Variants in ERC2 observed in about 807,000 individuals in gnomAD.
ERC2 encodes the protein ELKS/RAB6-interacting/CAST family member 2.
ERC2 carries 42 observed loss-of-function variants against 114.8 expected under a neutral mutation model. The observed-to-expected ratio is 0.37, with a 90% confidence interval of 0.29 to 0.47. ERC2 has a LOEUF of 0.47. ERC2 is among the 20% of genes least tolerant of loss of function. The pLI, the probability that ERC2 is intolerant of heterozygous loss-of-function variation, is 0.99. For missense variants in ERC2, 939 were observed against 1,150.7 expected, an observed-to-expected ratio of 0.82 and a Z score of 2.66; for synonymous variants, 454 against 425.5, an observed-to-expected ratio of 1.07 and a Z score of -0.82.
intron 3 of ERC2, among the ~76,000 whole-genome samples, chr3:56,281,436 C>CAAAAAA (rs71099629): frequency 1.9e-4 from 9 of 47,520 alleles, no homozygotes; most frequent in Middle Eastern, 0.025. Context: ...GACTCCGTCT[C>CAAAAAA]AAAAAAAAAA....
intron 13 of ERC2, among the ~76,000 whole-genome samples, chr3:55,938,541 G>T (rs1042242184): frequency 6.6e-6 from 1 of 152,204 alleles, no homozygotes; most frequent in Non-Finnish European, 1.5e-5. Context: ...ATTAAGTCAG[G>T]TTAAGAGAGG....
chr3:56,151,741 C>T (rs896421345), intron 4 of ERC2, among the ~76,000 whole-genome samples: 1 of 152,102 alleles, frequency 6.6e-6, no homozygotes, highest in South Asian at 2.1e-4. Context: ...TATGGAAGTC[C>T]ATATCAAGTC....
intron 3 of ERC2, among the ~76,000 whole-genome samples, chr3:56,245,562 GATT>G (rs1395298056): frequency 8.6e-5 from 13 of 151,460 alleles, no homozygotes; most frequent in African/African-American, 2.9e-4. Context: ...TTAGTCATAT[GATT>G]ATTATTTTTT....
chr3:55,772,101 A>C (rs2068250012), intron 14 of ERC2, among the ~76,000 whole-genome samples: 1 of 152,224 alleles, frequency 6.6e-6, no homozygotes. Flanking sequence ...CTAGGCATAC[A>C]GTAAGGCATT....
intron 14 of ERC2, among the ~76,000 whole-genome samples, chr3:55,774,300 A>C (rs1265609673): frequency 3.9e-5 from 6 of 152,216 alleles, no homozygotes; most frequent in Admixed American, 3.3e-4. Context: ...CATCGGTTCA[A>C]CTAACAAGCT....
At chr3:55,939,915 G>T (rs563132924) in intron 13 of ERC2, among the ~76,000 whole-genome samples, 6 of 152,214 alleles carry the variant, frequency 3.9e-5, no homozygotes, top group African/African-American at 1.4e-4. Flanking sequence ...ATTGGTGGAT[G>T]TATTATTATA....
chr3:56,210,159 G>T (rs2048972030), intron 3 of ERC2, among the ~76,000 whole-genome samples: 1 of 152,100 alleles, frequency 6.6e-6, no homozygotes, highest in South Asian at 2.1e-4. Context: ...ACTACCTGGG[G>T]GCTGATAAAT....
chr3:56,276,718 G>C (rs1000741735), intron 3 of ERC2, among the ~76,000 whole-genome samples: 2 of 152,140 alleles, frequency 1.3e-5, no homozygotes, highest in Non-Finnish European at 2.9e-5. Flanking sequence ...AAAGAACAAC[G>C]CATGTGCTAG....
At chr3:55,586,697 C>A (rs1052332851) in intron 17 of ERC2, among the ~76,000 whole-genome samples, 1 of 152,156 alleles carries the variant, frequency 6.6e-6, no homozygotes, top group African/African-American at 2.4e-5. Context: ...AAAGAAAATG[C>A]AAATGCCTTG....
intron 17 of ERC2, 26 bp downstream of exon 17, chr3:55,683,768 A>G (rs921656153): frequency 1.9e-6 from 3 of 1,581,418 alleles, no homozygotes; most frequent in Admixed American, 3.5e-5. Flanking sequence ...TTTTTAATAA[A>G]AATGATATAA....
intron 7 of ERC2, among the ~76,000 whole-genome samples, chr3:56,073,774 T>C (rs2076850130): frequency 6.6e-6 from 1 of 152,244 alleles, no homozygotes; most frequent in South Asian, 2.1e-4. Context: ...GAGGTCTCAG[T>C]CCTTTAAGCC....
chr3:56,313,248 G>C (rs1426220652), intron 2 of ERC2, among the ~76,000 whole-genome samples: 1 of 151,120 alleles, frequency 6.6e-6, no homozygotes, highest in Non-Finnish European at 1.5e-5. Flanking sequence ...TTAAATTAGA[G>C]TACTTAAAGT....
intron 13 of ERC2, among the ~76,000 whole-genome samples, chr3:55,928,960 T>C (rs2149398359): frequency 6.6e-6 from 1 of 152,332 alleles, no homozygotes. Flanking sequence ...TCTGTTCTAT[T>C]GGTCCATGTA....
At chr3:55,583,548 C>CCTTCCTTT (rs2057425006) in intron 17 of ERC2, among the ~76,000 whole-genome samples, 2 of 39,286 alleles carry the variant, frequency 5.1e-5, no homozygotes, top group Non-Finnish European at 1.5e-4. Context: ...TTCCTTTCTT[C>CCTTCCTTT]CTTCCTTCCT....
chr3:56,316,863 A>G (rs969225031), intron 2 of ERC2, among the ~76,000 whole-genome samples: 4 of 152,224 alleles, frequency 2.6e-5, no homozygotes, highest in African/African-American at 7.2e-5. Context: ...ATTATGCTAC[A>G]AAGAATTCTT....
chr3:55,887,787 T>A (rs555317846), intron 14 of ERC2, among the ~76,000 whole-genome samples: 1 of 152,220 alleles, frequency 6.6e-6, no homozygotes, highest in Non-Finnish European at 1.5e-5. Context: ...AAGGAAGCAA[T>A]TGGTTCCAAT....
chr3:56,266,704 T>G (rs1323800735), intron 3 of ERC2, among the ~76,000 whole-genome samples: 1 of 152,124 alleles, frequency 6.6e-6, no homozygotes, highest in African/African-American at 2.4e-5. Context: ...GAGGCCAACC[T>G]AGGCAACACA....
chr3:55,759,474 A>AAAC (rs1559609850), intron 14 of ERC2, among the ~76,000 whole-genome samples: 12 of 100,512 alleles, frequency 1.2e-4, no homozygotes, highest in African/African-American at 4.6e-4. Flanking sequence ...AAAAAAAAAA[A>AAAC]AAAAAAAAAA....
In ERC2 at chr3:56,042,924, G is replaced by A. The variant is rs1350114315; in HGVS notation, c.1642-23893C>T. ...AAACATCCCCAAATTGTCCTAAAAC[G>A]GAACATCCTGAAAAAGTCCAATGAT... On this transcript the variant is annotated intron_variant, in intron 7 of 17. Coordinates refer to ENST00000288221, the MANE Select transcript of ERC2 (RefSeq NM_015576.3). Among the ~76,000 whole-genome samples the A allele has an allele frequency of 3.3e-5, 5 of 151,938 alleles. No individual in the cohort carries two copies. In the South Asian group the frequency reaches 6.2e-4, roughly 19 times the overall value.
Sources: allele counts gnomAD v4.1 joint callset (sites outside exome capture counted in the v4.1 genomes callset), GRCh38; gene constraint gnomAD v4.1.1; transcripts MANE v1.5; gene names NCBI Gene and HGNC (gene_info 2026-07-23, HGNC 2026-07-21).